CPXM2: variants seen among roughly 807,000 people sequenced by gnomAD.
The protein encoded by CPXM2 is carboxypeptidase X, M14 family member 2.
In CPXM2, 66 loss-of-function variants were observed where a neutral mutation model predicts 86.1. The ratio of observed to expected loss-of-function variants is 0.77; its 90% CI spans 0.63 to 0.94. The LOEUF is 0.94. Ranked by LOEUF, CPXM2 falls within the 40% of genes least tolerant of loss-of-function variation. The pLI, the probability that CPXM2 is intolerant of heterozygous loss-of-function variation, is 0.00. For synonymous variants in CPXM2, 388 were observed against 400.2 expected, an observed-to-expected ratio of 0.97 and a Z score of 0.36; for missense variants, 948 against 1,026.3, an observed-to-expected ratio of 0.92 and a Z score of 1.04.
chr10:123,793,242 A>G (rs1431289371), intron 6 of CPXM2, among the ~76,000 whole-genome samples: 1 of 152,040 alleles, frequency 6.6e-6, no homozygotes, highest in Non-Finnish European at 1.5e-5. Context: ...AGGCGGGTGG[A>G]TGACGAGGTC....
rs752156743 is a variant in CPXM2 at position 123,846,574 on chromosome 10, G to A, written c.514-4086C>T. ...AGATTGGTACTGGTCTGTGGACGGG[G>A]GACTTGGGGACCCTGTACTAGAGGA... On this transcript the variant is annotated intron_variant, in intron 3 of 13. Coordinates refer to ENST00000241305, the MANE Select transcript of CPXM2 (RefSeq NM_198148.3). Among the ~76,000 whole-genome samples the A allele has an allele frequency of 2.0e-5, 3 of 152,164 alleles. No homozygotes were observed. The East Asian group carries it at 5.8e-4, about 29-fold the overall frequency.
chr10:123,929,353 G>A (rs980975197), intron 2 of CPXM2, among the ~76,000 whole-genome samples: 1 of 152,212 alleles, frequency 6.6e-6, no homozygotes, highest in African/African-American at 2.4e-5. Flanking sequence ...GAGTGAATGA[G>A]GCTGACTCAG....
chr10:123,906,424 T>G (rs1201140334), intron 2 of CPXM2, among the ~76,000 whole-genome samples: 1 of 152,196 alleles, frequency 6.6e-6, no homozygotes, highest in East Asian at 1.9e-4. Context: ...ACAGCACCTT[T>G]CTTCCAGACA....
At chr10:123,818,063 C>T (rs1350141317) in intron 4 of CPXM2, among the ~76,000 whole-genome samples, 1 of 152,108 alleles carries the variant, frequency 6.6e-6, no homozygotes, top group Non-Finnish European at 1.5e-5. Flanking sequence ...GAAGAAATTT[C>T]GGGAGGAGGT....
intron 6 of CPXM2, among the ~76,000 whole-genome samples, chr10:123,787,850 C>T (rs561739915): frequency 7.9e-5 from 12 of 152,212 alleles, no homozygotes; most frequent in African/African-American, 2.6e-4. Flanking sequence ...CCAAGTTACC[C>T]GGGGATGGCG....
At chr10:123,803,239 A>G (rs1847502086) in intron 4 of CPXM2, among the ~76,000 whole-genome samples, 1 of 147,512 alleles carries the variant, frequency 6.8e-6, no homozygotes, top group South Asian at 2.2e-4. Context: ...GGCTGGGACT[A>G]CAGGCATGCA....
chr10:123,918,354 C>G (rs1002565602), intron 2 of CPXM2, among the ~76,000 whole-genome samples: 2 of 151,642 alleles, frequency 1.3e-5, no homozygotes, highest in African/African-American at 4.9e-5. Context: ...ACCTTACTCT[C>G]TATCTCTTCT....
chr10:123,927,632 T>C (rs1040933912), intron 2 of CPXM2, among the ~76,000 whole-genome samples: 5 of 152,210 alleles, frequency 3.3e-5, no homozygotes, highest in African/African-American at 9.6e-5. Flanking sequence ...CTGTTGCTCA[T>C]GCGGCCTTAG....
At chr10:123,855,029 A>G (rs1421344170) in intron 3 of CPXM2, among the ~76,000 whole-genome samples, 3 of 151,770 alleles carry the variant, frequency 2.0e-5, no homozygotes, top group African/African-American at 7.3e-5. Context: ...CTACACTGTA[A>G]GCTTCTTGAG....
chr10:123,841,808 G>A (rs1383133100), intron 4 of CPXM2, among the ~76,000 whole-genome samples: 2 of 152,168 alleles, frequency 1.3e-5, no homozygotes, highest in African/African-American at 4.8e-5. Context: ...CACTGTCCCA[G>A]CCTTGGCCCT....
intron 10 of CPXM2, among the ~76,000 whole-genome samples, chr10:123,764,724 T>A (rs1846428485): frequency 6.6e-6 from 1 of 152,174 alleles, no homozygotes; most frequent in South Asian, 2.1e-4. Context: ...TGACCTCAAG[T>A]GATCTGCCTG....
chr10:123,875,134 G>A (rs1272441566), intron 2 of CPXM2, among the ~76,000 whole-genome samples: 1 of 152,184 alleles, frequency 6.6e-6, no homozygotes, highest in Non-Finnish European at 1.5e-5. Context: ...TGAAGGCCCT[G>A]CCACAAATCC....
At chr10:123,924,533 G>A (rs1945607070) in intron 2 of CPXM2, among the ~76,000 whole-genome samples, 1 of 152,228 alleles carries the variant, frequency 6.6e-6, no homozygotes, top group Non-Finnish European at 1.5e-5. Context: ...CCTAAGTGGA[G>A]GAGTTTCTGT....
intron 3 of CPXM2, among the ~76,000 whole-genome samples, chr10:123,859,724 T>C (rs1314590669): frequency 6.6e-6 from 1 of 152,202 alleles, no homozygotes; most frequent in Non-Finnish European, 1.5e-5. Flanking sequence ...ATAGCACTGA[T>C]GTGATCCCCA....
chr10:123,828,560 C>T (rs1848094432), intron 4 of CPXM2, among the ~76,000 whole-genome samples: 1 of 152,222 alleles, frequency 6.6e-6, no homozygotes, highest in South Asian at 2.1e-4. Flanking sequence ...TAAGATGTTC[C>T]TTGCTCTTCC....
In CPXM2 at chr10:123,807,259, C is replaced by A. The variant is rs547205447; in HGVS notation, c.654-8060G>T. 7.0e-3 allele frequency among the ~76,000 whole-genome samples: 1,060 copies of A among 152,252 alleles called. 5 individuals are homozygous for A. Among genetic ancestry groups the A allele is most frequent in the South Asian group, 0.017 (83 of 4,830 alleles). On this transcript the variant is annotated intron_variant, in intron 4 of 13. Coordinates refer to ENST00000241305, the MANE Select transcript of CPXM2 (RefSeq NM_198148.3). ...TCCAGGGTGTGGATCTTCACATTTA[C>A]CCCTTTGTGCCCTAGTAATGGAAAT...
At position 123,891,781 on chromosome 10, in the gene CPXM2, G is replaced by A; in HGVS notation, c.-122C>T. 1 of 624,258 alleles carries A rather than the reference G, an allele frequency of 1.6e-6. No homozygotes were observed. The highest frequency in any genetic ancestry group is 7.8e-5 in the South Asian group (1 of 12,878). The allele number at this position is 624,258 out of a possible 1,614,324, so 38.7% of individuals were successfully genotyped here. A position where few individuals can be genotyped will look rare whatever the true frequency, so the allele number is the denominator to read the frequency against. ...ACAGCAGAGCGGCGCGCTTGGGCGC[G>A]GGAGGCGGCCGGCTGGCTGCGCGTG... On this transcript the variant is annotated 5_prime_UTR_variant, in exon 1 of 14. Coordinates refer to ENST00000241305, the MANE Select transcript of CPXM2 (RefSeq NM_198148.3). The surrounding 1 kb of genome is among the most constrained non-coding windows in gnomAD (Gnocchi z 5.6).
At position 123,881,260 on chromosome 10, in the gene CPXM2, T is replaced by TCCCCCCCCTC. The variant is rs1945088174; in HGVS notation, c.305-952_305-951insGAGGGGGGGG. Reference sequence around the variant, plus strand: ...TCCCTTCCCTTCCCTTCCCTTCCCTTCCCTTTACGCTCAAGCTAATTAGCT... The same window carrying TCCCCCCCCTC: ...TCCCTTCCCTTCCCTTCCCTTCCCTTCCCCCCCCTCCCCTTTACGCTCAAGCTAATTAGCT... On this transcript the variant is annotated intron_variant, in intron 1 of 13. Transcript: ENST00000241305. Among the ~76,000 whole-genome samples, 2 of 45,592 alleles carry TCCCCCCCCTC rather than the reference T, an allele frequency of 4.4e-5. 1 individual carries two copies. The highest frequency in any genetic ancestry group is 3.2e-4 in the African/African-American group (2 of 6,328). 29.9% of individuals were successfully genotyped at this position (45,592 alleles called of 152,430 possible).
At chr10:123,849,731 G>C (rs1848564054) in intron 3 of CPXM2, among the ~76,000 whole-genome samples, 2 of 152,008 alleles carry the variant, frequency 1.3e-5, no homozygotes, top group Non-Finnish European at 2.9e-5. Context: ...ACTTTTAAAA[G>C]GCTAAATCAA....
Sources: gnomAD v4.1 joint callset for allele counts (sites outside exome capture counted in the v4.1 genomes callset) on GRCh38, gnomAD v4.1.1 for gene constraint, Gnocchi (gnomAD v3.1) non-coding constraint, MANE v1.5 for transcripts, NCBI Gene and HGNC (gene_info 2026-07-23, HGNC 2026-07-21) for gene names.